The following CAPN14 variants were observed in gnomAD, a reference collection of about 807,000 sequenced individuals.
CAPN14 encodes the protein calpain-14.
Under a neutral mutation model 101.3 loss-of-function variants are expected in CAPN14, and 94 were observed. That is an observed-to-expected ratio of 0.93 (90% CI 0.79 to 1.10). The LOEUF is 1.10. CAPN14 is among the 50% of genes least tolerant of loss of function. The pLI, the probability that CAPN14 is intolerant of heterozygous loss-of-function variation, is 0.00. For synonymous variants in CAPN14, 338 were observed against 317.9 expected, an observed-to-expected ratio of 1.06 and a Z score of -0.67; for missense variants, 837 against 828.4, an observed-to-expected ratio of 1.01 and a Z score of -0.13.
intron 1 of CAPN14, among the ~76,000 whole-genome samples, chr2:31,207,048 A>G (rs552375810): frequency 1.3e-5 from 2 of 152,340 alleles, no homozygotes; most frequent in South Asian, 4.1e-4. Context: ...CCTGACTCCC[A>G]TAACAATGTT....
chr2:31,191,912 CT>C, intron 11 of CAPN14, 22 bp downstream of exon 11: 1 of 1,527,326 alleles, frequency 6.5e-7, no homozygotes, highest in Non-Finnish European at 8.8e-7. Flanking sequence ...TCCCATGCCC[CT>C]GTGGTTCAGA....
chr2:31,180,698 G>T (rs944749269), intron 17 of CAPN14, among the ~76,000 whole-genome samples: 9 of 152,108 alleles, frequency 5.9e-5, no homozygotes, highest in Non-Finnish European at 1.3e-4. Flanking sequence ...TGATAGCTCT[G>T]ACCCCAGCAT....
intron 1 of CAPN14, among the ~76,000 whole-genome samples, chr2:31,228,873 A>G (rs1463379806): frequency 6.6e-6 from 1 of 152,166 alleles, no homozygotes; most frequent in Non-Finnish European, 1.5e-5. Flanking sequence ...CCAGGACTCC[A>G]TCTACTGCAG....
At chr2:31,232,549 A>C (rs902007262) in intron 1 of CAPN14, among the ~76,000 whole-genome samples, 3 of 152,208 alleles carry the variant, frequency 2.0e-5, no homozygotes, top group African/African-American at 7.2e-5. Flanking sequence ...CAGGAAACTT[A>C]CAGTCATGGC....
chr2:31,208,126 A>C (rs1159208567), intron 1 of CAPN14, among the ~76,000 whole-genome samples: 3 of 152,084 alleles, frequency 2.0e-5, no homozygotes, highest in African/African-American at 7.2e-5. Flanking sequence ...ACAGAAACTC[A>C]AAAGCTGTTA....
intron 4 of CAPN14, 55 bp from the exon 5 acceptor site, chr2:31,202,053 C>T (rs1357533701): frequency 1.9e-6 from 3 of 1,550,368 alleles, no homozygotes; most frequent in Non-Finnish European, 2.6e-6. Context: ...TGGTGATCAG[C>T]CCAGAAGGTG....
intron 2 of CAPN14, among the ~76,000 whole-genome samples, chr2:31,203,408 T>G (rs185494721): frequency 1.3e-5 from 2 of 152,338 alleles, no homozygotes; most frequent in East Asian, 3.9e-4. Flanking sequence ...TGCCTTTTCT[T>G]AGAGTTTCTA....
Position 31,200,423 on chromosome 2 carries a change from C to T in CAPN14, c.726+28G>A, listed in dbSNP as rs748931104. 2.3e-5 allele frequency: 36 copies of T among 1,536,734 alleles called. 1 individual carries two copies. The Middle Eastern group carries it at 6.9e-4, about 29-fold the overall frequency. Reference sequence around the variant, plus strand: ...AGGGCATGGGTGCAGGAGAAGAGGACATTCTGCCAGTGGCAGCCCAGTCTC... The same window carrying T: ...AGGGCATGGGTGCAGGAGAAGAGGATATTCTGCCAGTGGCAGCCCAGTCTC... On this transcript the variant is annotated intron_variant, in intron 6 of 21. Transcript: ENST00000403897.
chr2:31,212,329 A>G (rs552429527), intron 1 of CAPN14, among the ~76,000 whole-genome samples: 6 of 140,846 alleles, frequency 4.3e-5, no homozygotes, highest in Non-Finnish European at 9.0e-5. Context: ...AAAAAAAAAC[A>G]AAAAAAACAC....
intron 1 of CAPN14, 135 bp from the exon 2 acceptor site, chr2:31,205,634 C>T (rs1301940152): frequency 1.1e-5 from 7 of 622,510 alleles, no homozygotes; most frequent in East Asian, 2.8e-5. Context: ...GCAGGTGGTT[C>T]GATTTTGTCC....
chr2:31,189,457 G>T lies in CAPN14; in HGVS notation c.1309C>A (p.Leu437Met). ...MNKYHDDQRR[L>M]PPEFFQRNTP... ...TTTCTCTGGAAGAACTCAGGGGGCA[G>T]TCTCCTCTGGTCATCATGGTACTGT... Residue 437 changes from leucine (L) to methionine (M), a missense_variant, in exon 13 of 22, where the codon CTG becomes ATG. Transcript: ENST00000403897. The T allele has an allele frequency of 3.2e-6, 5 of 1,551,546 alleles. No homozygotes were observed. Among genetic ancestry groups the T allele is most frequent in the Non-Finnish European group, 4.4e-6 (5 of 1,146,928 alleles).
At chr2:31,177,314 T>G (rs985870085) in intron 19 of CAPN14, among the ~76,000 whole-genome samples, 172 bp from the exon 20 acceptor site, 1 of 143,634 alleles carries the variant, frequency 7.0e-6, no homozygotes, top group Non-Finnish European at 1.5e-5. Context: ...CCAATTTATT[T>G]TATTTAATCC....
intron 1 of CAPN14, among the ~76,000 whole-genome samples, chr2:31,212,312 CAAA>C (rs72155600): frequency 1.8e-5 from 2 of 110,434 alleles, no homozygotes; most frequent in Admixed American, 9.4e-5. Flanking sequence ...CGTCTCAAAA[CAAA>C]AAAAAAAAAA....
At chr2:31,222,003 T>C (rs561635632), upstream of CAPN14, among the ~76,000 whole-genome samples, 2 of 152,258 alleles carry the variant, frequency 1.3e-5, no homozygotes, top group African/African-American at 2.4e-5. Flanking sequence ...TCAAAGGAAT[T>C]CCTCACCTTA....
chr2:31,198,138 C>T (rs1468546761), intron 7 of CAPN14, among the ~76,000 whole-genome samples: 1 of 152,156 alleles, frequency 6.6e-6, no homozygotes, highest in African/African-American at 2.4e-5. Context: ...TATTCAAAGC[C>T]ACCCCTCTGC....
intron 1 of CAPN14, among the ~76,000 whole-genome samples, chr2:31,233,196 A>G (rs1683246362): frequency 6.6e-6 from 1 of 152,200 alleles, no homozygotes; most frequent in Admixed American, 6.5e-5. Context: ...GATTAGTAAT[A>G]GCATTGCTAT....
intron 1 of CAPN14, among the ~76,000 whole-genome samples, chr2:31,211,226 GAAAGAAAGAA>G (rs1558633369): frequency 8.2e-6 from 1 of 121,754 alleles, no homozygotes; most frequent in African/African-American, 2.9e-5. Context: ...AAGAAAGAGA[GAAAGAAAGAA>G]AAAGAGAGAA....
chr2:31,205,136 T>C, intron 2 of CAPN14, 87 bp downstream of exon 2: 1 of 1,186,612 alleles, frequency 8.4e-7, no homozygotes, highest in Non-Finnish European at 1.2e-6. Context: ...AAAAAGCCTG[T>C]TTTTTTCTCC....
At chr2:31,228,221 C>T (rs1043175364) in intron 1 of CAPN14, 4 of 152,342 alleles carry the variant, frequency 2.6e-5, no homozygotes, top group African/African-American at 9.6e-5. Flanking sequence ...CTAGCCAGGG[C>T]TCAAACTTGT....
Sources: allele counts gnomAD v4.1 joint callset (sites outside exome capture counted in the v4.1 genomes callset), GRCh38; gene constraint gnomAD v4.1.1; transcripts MANE v1.5; gene names NCBI Gene and HGNC (gene_info 2026-07-23, HGNC 2026-07-21).